The following ACOXL variants were observed in gnomAD, a reference collection of about 807,000 sequenced individuals.
The protein encoded by ACOXL is acyl-coenzyme A oxidase-like protein.
In ACOXL, 70 loss-of-function variants were observed where a neutral mutation model predicts 71.9. The observed-to-expected ratio is 0.97, with a 90% CI of 0.80 to 1.19. The LOEUF is 1.19. ACOXL is among the 50% of genes most tolerant of loss of function. The pLI is 0.00. For synonymous variants in ACOXL, 253 were observed against 281.6 expected, an observed-to-expected ratio of 0.90 and a Z score of 1.02; for missense variants, 703 against 736.3, an observed-to-expected ratio of 0.95 and a Z score of 0.52.
intron 14 of ACOXL, among the ~76,000 whole-genome samples, chr2:111,020,149 C>G (rs1327613715): frequency 1.3e-5 from 2 of 152,214 alleles, no homozygotes; most frequent in Non-Finnish European, 2.9e-5. Flanking sequence ...CATGAGCCAC[C>G]GTGCCTGGTG....
intron 1 of ACOXL, chr2:110,733,115 T>C (rs1676385275): frequency 6.6e-6 from 1 of 152,424 alleles, no homozygotes; most frequent in Non-Finnish European, 1.5e-5. Context: ...GCTGGTTTGT[T>C]GAACCTGTTT....
Position 111,014,026 on chromosome 2 carries a change from A to T in ACOXL, c.1282-17601A>T, listed in dbSNP as rs138733322. On this transcript the variant is annotated intron_variant, in intron 14 of 17. Transcript: ENST00000439055. ...GAAAATATATTTGATGAAATCCAAC[A>T]TGAGCTGATGATGAAAAGTCTCAGC... is the stretch of plus-strand genomic sequence containing the variant. Among the ~76,000 whole-genome samples, 57 of 152,380 alleles carry T rather than the reference A, an allele frequency of 3.7e-4. 1 individual carries two copies. In the East Asian group the frequency reaches 0.01, roughly 28 times the overall value.
At chr2:110,787,534 A>C (rs1184800838) in intron 3 of ACOXL, among the ~76,000 whole-genome samples, 1 of 121,434 alleles carries the variant, frequency 8.2e-6, no homozygotes, top group African/African-American at 2.9e-5. Context: ...ACTCCGTCTC[A>C]AAAAAAAAAA....
intron 11 of ACOXL, among the ~76,000 whole-genome samples, chr2:110,909,190 G>A (rs1558712043): frequency 6.6e-6 from 1 of 152,130 alleles, no homozygotes; most frequent in Non-Finnish European, 1.5e-5. Context: ...AGGAGCCAAT[G>A]TTTCTCCAGA....
At chr2:110,843,383 G>A (rs904033074) in intron 10 of ACOXL, among the ~76,000 whole-genome samples, 5 of 152,240 alleles carry the variant, frequency 3.3e-5, no homozygotes, top group African/African-American at 1.2e-4. Flanking sequence ...TGTGAAAGTG[G>A]CAGGGAAGCC....
At chr2:111,029,496 C>T (rs1477499988) in intron 14 of ACOXL, among the ~76,000 whole-genome samples, 1 of 152,068 alleles carries the variant, frequency 6.6e-6, no homozygotes, top group Non-Finnish European at 1.5e-5. Flanking sequence ...AGAGCCTATA[C>T]TGCTCCTAGG....
At chr2:110,769,808 TG>T (rs1681644135) in intron 2 of ACOXL, among the ~76,000 whole-genome samples, 1 of 152,090 alleles carries the variant, frequency 6.6e-6, no homozygotes, top group Non-Finnish European at 1.5e-5. Flanking sequence ...CACTCCAGCC[TG>T]GGCAACAAAG....
intron 10 of ACOXL, among the ~76,000 whole-genome samples, chr2:110,898,254 A>G (rs966813765): frequency 4.6e-5 from 7 of 152,184 alleles, no homozygotes; most frequent in Non-Finnish European, 5.9e-5. Flanking sequence ...AAAGTTAGCC[A>G]TATACTGATC....
intron 16 of ACOXL, among the ~76,000 whole-genome samples, chr2:111,077,730 C>A (rs71431141): frequency 0.083 from 12,691 of 152,184 alleles, 628 homozygotes; most frequent in Non-Finnish European, 0.11. Context: ...ACTTTCAGTA[C>A]TTGAAAAATC....
chr2:111,117,505 A>G (rs2070445132), intron 17 of ACOXL, 111 bp from the exon 18 acceptor site: 4 of 1,128,294 alleles, frequency 3.5e-6, no homozygotes, highest in Non-Finnish European at 5.2e-6. Flanking sequence ...AAGGGAAACT[A>G]GTTTCCGGGG....
intron 12 of ACOXL, among the ~76,000 whole-genome samples, chr2:110,982,431 CCTT>C (rs1048183886): frequency 2.0e-5 from 3 of 152,090 alleles, no homozygotes; most frequent in Non-Finnish European, 2.9e-5. Context: ...CTCTTCCCTC[CCTT>C]CTTCTTCTGT....
intron 1 of ACOXL, among the ~76,000 whole-genome samples, chr2:110,751,858 G>A (rs958275410): frequency 6.6e-6 from 1 of 152,064 alleles, no homozygotes; most frequent in Admixed American, 6.5e-5. Flanking sequence ...TATTTTAGTG[G>A]TATATTAATT....
intron 3 of ACOXL, among the ~76,000 whole-genome samples, chr2:110,785,285 A>G (rs1019064011): frequency 6.6e-6 from 1 of 152,284 alleles, no homozygotes; most frequent in South Asian, 2.1e-4. Context: ...CAGTAATGCA[A>G]TGTAAAATCA....
At chr2:110,798,985 C>T (rs1685612802) in intron 6 of ACOXL, 29 bp from the exon 7 acceptor site, 2 of 1,603,118 alleles carry the variant, frequency 1.2e-6, no homozygotes, top group Non-Finnish European at 1.7e-6. Context: ...GGAAGGAGAG[C>T]TTAATAATGA....
intron 11 of ACOXL, among the ~76,000 whole-genome samples, chr2:110,916,312 T>C (rs1016434338): frequency 6.6e-6 from 1 of 152,104 alleles, no homozygotes; most frequent in Non-Finnish European, 1.5e-5. Context: ...AATAACCTGC[T>C]GGGTAAATAA....
intron 14 of ACOXL, among the ~76,000 whole-genome samples, chr2:111,002,716 A>G (rs978106212): frequency 1.3e-5 from 2 of 152,030 alleles, no homozygotes; most frequent in Non-Finnish European, 2.9e-5. Flanking sequence ...TCTTCTTTTC[A>G]TATTTTCATT....
At chr2:110,742,550 G>A (rs187266716) in intron 1 of ACOXL, among the ~76,000 whole-genome samples, 33 of 152,264 alleles carry the variant, frequency 2.2e-4, no homozygotes, top group Admixed American at 9.2e-4. Flanking sequence ...AGCTCCTGGG[G>A]CCCTTCGTCA....
intron 10 of ACOXL, among the ~76,000 whole-genome samples, chr2:110,900,125 ACACACTT>A (rs1396195223): frequency 4.8e-5 from 5 of 105,198 alleles, no homozygotes; most frequent in African/African-American, 1.5e-4. Context: ...ACACACACAC[ACACACTT>A]CTTCTAAAAA....
rs945915344 is a variant in ACOXL, at chr2:110,732,640, A to T, written c.-157A>T. 6.5e-6 allele frequency: 1 copy of T among 152,946 alleles called. No homozygotes were observed. The highest frequency in any genetic ancestry group is 2.4e-5 in the African/African-American group (1 of 41,464). 9.5% of individuals were successfully genotyped at this position (152,946 alleles called of 1,614,324 possible). A position where few individuals can be genotyped will look rare whatever the true frequency, so the allele number is the denominator to read the frequency against. ...GCCAGCCACGCGGAGAAGCAGAGGCAGGTGAGCGCGATGCAGCCGGCGCCG... is the reference window on the plus strand; with the variant it reads ...GCCAGCCACGCGGAGAAGCAGAGGCTGGTGAGCGCGATGCAGCCGGCGCCG... On this transcript the variant is annotated 5_prime_UTR_variant, in exon 1 of 18. Coordinates refer to ENST00000439055, the MANE Select transcript of ACOXL (RefSeq NM_001142807.4).
Sources: gnomAD v4.1 joint callset for allele counts (sites outside exome capture counted in the v4.1 genomes callset) on GRCh38, gnomAD v4.1.1 for gene constraint, MANE v1.5 for transcripts, NCBI Gene and HGNC (gene_info 2026-07-23, HGNC 2026-07-21) for gene names.